The following ZC3H12B variants were observed in gnomAD, a reference collection of about 807,000 sequenced individuals.
The protein encoded by ZC3H12B is probable ribonuclease ZC3H12B.
Under a neutral mutation model 43.9 loss-of-function variants are expected in ZC3H12B, and 7 were observed. The observed-to-expected ratio is 0.16, with a 90% CI of 0.09 to 0.30. ZC3H12B has a LOEUF of 0.30. Among genes scored for constraint, ZC3H12B ranks in the 10% least tolerant of loss-of-function variants. The pLI, the probability that ZC3H12B is intolerant of heterozygous loss-of-function variation, is 1.00. For missense variants in ZC3H12B, 475 were observed against 670.2 expected, an observed-to-expected ratio of 0.71 and a Z score of 3.22; for synonymous variants, 222 against 241.7, an observed-to-expected ratio of 0.92 and a Z score of 0.76.
the ZC3H12B span, among the ~76,000 whole-genome samples, chrX:65,224,243 G>C: frequency 8.9e-6 from 1 of 112,730 alleles, no homozygotes; most frequent in Non-Finnish European, 1.9e-5. Flanking sequence ...GGAGAGCTAA[G>C]CTATGAGGAT....
chrX:65,214,578 C>T, the ZC3H12B span, among the ~76,000 whole-genome samples: 2 of 111,729 alleles, frequency 1.8e-5, no homozygotes, highest in Non-Finnish European at 3.8e-5. Context: ...TCAGTCTCCA[C>T]TTCTAATTCC....
chrX:65,162,366 C>A, the ZC3H12B span, among the ~76,000 whole-genome samples: 2 of 112,054 alleles, frequency 1.8e-5, no homozygotes, highest in Non-Finnish European at 3.8e-5. Context: ...GAGTGTTTTC[C>A]AACTTCGTTC....
chrX:65,136,370 G>A, the ZC3H12B span, among the ~76,000 whole-genome samples: 1 of 110,717 alleles, frequency 9.0e-6, no homozygotes, highest in South Asian at 3.9e-4. Flanking sequence ...TGGTGGGAGA[G>A]GTTTATTACT....
the ZC3H12B span, among the ~76,000 whole-genome samples, chrX:65,146,609 AG>A: frequency 4.5e-5 from 5 of 111,693 alleles, no homozygotes; most frequent in Non-Finnish European, 7.5e-5. Flanking sequence ...GGGAAGGTCT[AG>A]GGCCGAAGGC....
the ZC3H12B span, among the ~76,000 whole-genome samples, chrX:65,163,392 G>A: frequency 9.0e-6 from 1 of 111,610 alleles, no homozygotes; most frequent in African/African-American, 3.3e-5. Flanking sequence ...ACAGAAGCAG[G>A]CAGGCCTCCT....
chrX:65,427,953 A>C (rs906448071), intron 3 of ZC3H12B, among the ~76,000 whole-genome samples: 1 of 111,994 alleles, frequency 8.9e-6, no homozygotes, highest in Non-Finnish European at 1.9e-5. Context: ...TGTAAGGCAC[A>C]TCTGCTGGTA....
intron 3 of ZC3H12B, among the ~76,000 whole-genome samples, chrX:65,421,056 G>A (rs1316026245): frequency 8.9e-6 from 1 of 112,021 alleles, no homozygotes; most frequent in East Asian, 2.8e-4. Flanking sequence ...TTAATTCACA[G>A]GGATATTGAT....
the ZC3H12B span, among the ~76,000 whole-genome samples, chrX:65,178,382 G>A: frequency 8.9e-6 from 1 of 112,003 alleles, no homozygotes; most frequent in African/African-American, 3.2e-5. Context: ...AACACCAAAA[G>A]CAATGACAAC....
the ZC3H12B span, among the ~76,000 whole-genome samples, chrX:65,295,545 C>A: frequency 9.0e-6 from 1 of 110,801 alleles, no homozygotes; most frequent in Non-Finnish European, 1.9e-5. Flanking sequence ...GAAGAAGAGT[C>A]ATAACACAGA....
At chrX:65,106,639 G>T in the ZC3H12B span, among the ~76,000 whole-genome samples, 2 of 111,120 alleles carry the variant, frequency 1.8e-5, no homozygotes, top group East Asian at 5.7e-4. Flanking sequence ...AGAAGAAAGG[G>T]AAGGAGGTAG....
intron 2 of ZC3H12B, among the ~76,000 whole-genome samples, chrX:65,383,674 A>G (rs1390828096): frequency 2.7e-5 from 3 of 110,676 alleles, no homozygotes; most frequent in African/African-American, 9.8e-5. Flanking sequence ...GCCACCTACA[A>G]AATGGGAGAA....
At chrX:65,359,822 A>G in the ZC3H12B span, among the ~76,000 whole-genome samples, 1 of 112,333 alleles carries the variant, frequency 8.9e-6, no homozygotes, top group Non-Finnish European at 1.9e-5. Context: ...ATAGACTTTA[A>G]TTTTGAAAGA....
At chrX:65,433,056 T>A (rs1467806757) in intron 3 of ZC3H12B, among the ~76,000 whole-genome samples, 1 of 112,750 alleles carries the variant, frequency 8.9e-6, no homozygotes, top group African/African-American at 3.2e-5. Flanking sequence ...GTGGGTCTTA[T>A]GGAGAGATAC....
chrX:65,103,790 G>T, the ZC3H12B span, among the ~76,000 whole-genome samples: 1 of 111,441 alleles, frequency 9.0e-6, no homozygotes, highest in Non-Finnish European at 1.9e-5. Flanking sequence ...AAATGGAAAA[G>T]CATTCCATTT....
the ZC3H12B span, chrX:65,186,485 C>CT: frequency 1.1e-5 from 1 of 88,885 alleles, no homozygotes; most frequent in Non-Finnish European, 2.1e-5. Flanking sequence ...GAGTAAGACT[C>CT]TGTGTCAAAA....
At chrX:65,233,772 A>T in the ZC3H12B span, among the ~76,000 whole-genome samples, 47 of 111,247 alleles carry the variant, frequency 4.2e-4, no homozygotes, top group Admixed American at 1.4e-3. Flanking sequence ...TGAGACAAAA[A>T]ATAGGATAAA....
At chrX:65,104,243 C>T in the ZC3H12B span, among the ~76,000 whole-genome samples, 1 of 112,006 alleles carries the variant, frequency 8.9e-6, no homozygotes, top group South Asian at 3.7e-4. Flanking sequence ...TGGACCCCTT[C>T]CTTACACCTT....
At position 65,403,649 on chromosome X, in the gene ZC3H12B, C is replaced by T. The variant is rs781107107; in HGVS notation, n.407+4945C>T. On this transcript the variant is annotated intron_variant and non_coding_transcript_variant, in intron 3 of 5. Coordinates refer to the ZC3H12B transcript ENST00000617377. ...GACTTTTCAGTGGAAACCTTACAGG[C>T]CAAGAGAGTGTGACATGACATATTT... Among the ~76,000 whole-genome samples, 13 of 111,403 alleles carry T rather than the reference C, an allele frequency of 1.2e-4. No individual in the cohort carries two copies. In the South Asian group the frequency reaches 4.5e-3, roughly 39 times the overall value.
intron 3 of ZC3H12B, among the ~76,000 whole-genome samples, chrX:65,438,277 G>C (rs993747911): frequency 1.8e-5 from 2 of 111,640 alleles, no homozygotes; most frequent in Non-Finnish European, 3.8e-5. Flanking sequence ...TTGATACTTT[G>C]ATAGGGATTG....
Sources: gnomAD v4.1 joint callset for allele counts (sites outside exome capture counted in the v4.1 genomes callset) on GRCh38, gnomAD v4.1.1 for gene constraint, MANE v1.5 for transcripts, NCBI Gene and HGNC (gene_info 2026-07-23, HGNC 2026-07-21) for gene names.